Variants in ARHGAP39 observed in about 807,000 individuals in gnomAD.
ARHGAP39 encodes Rho GTPase activating protein 39, also known as rho GTPase-activating protein 39.
Under a neutral mutation model 106.9 loss-of-function variants are expected in ARHGAP39, and 44 were observed. The ratio of observed to expected loss-of-function variants is 0.41; its 90% confidence interval spans 0.32 to 0.53. The LOEUF is 0.53. ARHGAP39 is among the 20% of genes least tolerant of loss of function. The probability of loss-of-function intolerance (pLI) is 0.21; values close to 1 mark genes in which losing one functional copy is unlikely to be tolerated. For missense variants in ARHGAP39, 1,496 were observed against 1,577.3 expected (o/e 0.95, Z 0.87); for synonymous variants, 768 against 693.2 (o/e 1.11, Z -1.69).
At chr8:144,587,897 C>G (rs867011136) in intron 2 of ARHGAP39, among the ~76,000 whole-genome samples, 1 of 152,190 alleles carries the variant, frequency 6.6e-6, no homozygotes, top group Non-Finnish European at 1.5e-5. Flanking sequence ...CCCGCTTTGG[C>G]CTCCCAAAGT....
rs907398362 is a variant in ARHGAP39 at position 144,646,778 on chromosome 8, G to A, written c.-82+38908C>T. Among the ~76,000 whole-genome samples the A allele has an allele frequency of 1.3e-4, 20 of 152,160 alleles. No individual in the cohort carries two copies. Among genetic ancestry groups the A allele is most frequent in the African/African-American group, 2.9e-4 (12 of 41,446 alleles). ...CCCTCGCTGGGCCCAGAGTCCAAGC[G>A]GGCCATGGCCCTGGCACTGCACGTG... On this transcript the variant is annotated intron_variant, in intron 1 of 11. Transcript: ENST00000377307. The surrounding 1 kb of genome is among the most constrained non-coding windows in gnomAD (Gnocchi z 5.7).
chr8:144,630,266 G>A (rs1482428047), intron 1 of ARHGAP39, among the ~76,000 whole-genome samples: 2 of 152,188 alleles, frequency 1.3e-5, no homozygotes, highest in East Asian at 3.9e-4. Flanking sequence ...GCCCTTTCCT[G>A]AAAAATGTTA....
intron 3 of ARHGAP39, among the ~76,000 whole-genome samples, chr8:144,576,193 TGTG>T (rs1176243450): frequency 1.3e-5 from 2 of 150,482 alleles, no homozygotes; most frequent in African/African-American, 4.9e-5. Context: ...ATTAGCCAGG[TGTG>T]GTGGTGGGCG....
At chr8:144,592,715 A>C (rs902130984) in intron 2 of ARHGAP39, among the ~76,000 whole-genome samples, 8 of 152,144 alleles carry the variant, frequency 5.3e-5, no homozygotes. Flanking sequence ...CTGAGGGCAG[A>C]CCACAGCATG....
chr8:144,556,159 C>A (rs1014643056), intron 3 of ARHGAP39, among the ~76,000 whole-genome samples: 5 of 151,972 alleles, frequency 3.3e-5, no homozygotes, highest in African/African-American at 1.2e-4. Context: ...GTGGCGGGCG[C>A]CTGTAGTCCC....
chr8:144,687,933 C>A (rs1280508665), upstream of ARHGAP39, among the ~76,000 whole-genome samples: 2 of 141,668 alleles, frequency 1.4e-5, no homozygotes, highest in Non-Finnish European at 3.2e-5. Context: ...GAGCACTTCC[C>A]ACCCCGTGAC....
chr8:144,665,366 GGA>G (rs1821937113), intron 1 of ARHGAP39, among the ~76,000 whole-genome samples: 1 of 152,248 alleles, frequency 6.6e-6, no homozygotes, highest in Non-Finnish European at 1.5e-5. Context: ...CATTTTCTGA[GGA>G]GAAATTCAAG....
chr8:144,535,993 T>G (rs2130821796), intron 7 of ARHGAP39, among the ~76,000 whole-genome samples: 1 of 152,282 alleles, frequency 6.6e-6, no homozygotes, highest in East Asian at 1.9e-4. Flanking sequence ...CCCTAAGGTC[T>G]AGGAAGGTGG....
intron 1 of ARHGAP39, among the ~76,000 whole-genome samples, chr8:144,635,747 G>A (rs1490670832): frequency 2.0e-5 from 3 of 151,750 alleles, no homozygotes; most frequent in Non-Finnish European, 2.9e-5. Context: ...TGAGGCTACC[G>A]CCAGGTAGAC....
Position 144,593,452 on chromosome 8 carries a change from T to C in ARHGAP39, c.80+12083A>G, listed in dbSNP as rs113402765. ...ATCCAAAGTAGACGAAAGGTCTCAATGTAAGAGCTAAACTGACAAAACTCT... is the reference window on the plus strand; with the variant it reads ...ATCCAAAGTAGACGAAAGGTCTCAACGTAAGAGCTAAACTGACAAAACTCT... On this transcript the variant is annotated intron_variant, in intron 2 of 11. Coordinates refer to ENST00000377307, the MANE Select transcript of ARHGAP39 (RefSeq NM_025251.3). 2.1e-3 allele frequency among the ~76,000 whole-genome samples: 318 copies of C among 152,260 alleles called. 4 individuals are homozygous for C. The highest frequency in any genetic ancestry group is 3.4e-3 in the Non-Finnish European group (230 of 68,028).
chr8:144,608,128 G>C (rs995841348), intron 1 of ARHGAP39, among the ~76,000 whole-genome samples: 4 of 132,892 alleles, frequency 3.0e-5, no homozygotes, highest in African/African-American at 1.2e-4. Context: ...CTGTACTCCA[G>C]CCTGGGCGAC....
intron 2 of ARHGAP39, among the ~76,000 whole-genome samples, chr8:144,590,114 G>C (rs1819335365): frequency 6.6e-6 from 1 of 152,250 alleles, no homozygotes; most frequent in Non-Finnish European, 1.5e-5. Flanking sequence ...CATGGCACGT[G>C]GGACAGAGGC....
intron 2 of ARHGAP39, 122 bp from the exon 3 acceptor site, chr8:144,581,399 C>G (rs1413004049): frequency 1.7e-6 from 2 of 1,144,746 alleles, no homozygotes; most frequent in Non-Finnish European, 2.4e-6. Context: ...TAGAGGAAAG[C>G]AAACCCAAGC....
intron 2 of ARHGAP39, among the ~76,000 whole-genome samples, chr8:144,601,212 A>C (rs1206180891): frequency 1.0e-5 from 1 of 99,246 alleles, no homozygotes; most frequent in Non-Finnish European, 2.0e-5. Flanking sequence ...ATGTGCGTGG[A>C]GGTGCGTGTG....
chr8:144,626,974 G>A lies in ARHGAP39; in HGVS notation c.-81-21279C>T, dbSNP rs149150529. Among the ~76,000 whole-genome samples the A allele has an allele frequency of 3.6e-3, 550 of 152,332 alleles. 5 individuals are homozygous for A. The highest frequency in any genetic ancestry group is 0.012 in the African/African-American group (507 of 41,574). On this transcript the variant is annotated intron_variant, in intron 1 of 11. Transcript: ENST00000377307. ...ATAAGGTTCGTGGCTTGCAGCTGTC[G>A]GGGCCATGTTTGTCCCCCCTGGGGA...
the ARHGAP39 span, among the ~76,000 whole-genome samples, chr8:144,697,785 C>G: frequency 6.6e-6 from 1 of 152,264 alleles, no homozygotes; most frequent in Admixed American, 6.5e-5. Context: ...GGCCACTGCA[C>G]CCGGCCTGTT....
chr8:144,533,018 C>T (rs532170705), intron 9 of ARHGAP39, 108 bp downstream of exon 9: 13 of 1,345,960 alleles, frequency 9.7e-6, no homozygotes, highest in Middle Eastern at 2.2e-4. Flanking sequence ...GGTATGGGTG[C>T]GGAAGCAGCC....
intron 1 of ARHGAP39, among the ~76,000 whole-genome samples, chr8:144,677,680 T>C (rs756712848): frequency 2.6e-5 from 4 of 151,504 alleles, no homozygotes; most frequent in Non-Finnish European, 5.9e-5. Context: ...AAGAAAAGGG[T>C]AAGGAAAAAA....
At chr8:144,608,499 A>G (rs945727258) in intron 1 of ARHGAP39, among the ~76,000 whole-genome samples, 2 of 152,198 alleles carry the variant, frequency 1.3e-5, no homozygotes, top group African/African-American at 4.8e-5. Flanking sequence ...CGCCACAGTG[A>G]GTCCAAATGC....
Sources: gnomAD v4.1 joint callset for allele counts (sites outside exome capture counted in the v4.1 genomes callset) on GRCh38, gnomAD v4.1.1 for gene constraint, Gnocchi (gnomAD v3.1) non-coding constraint, MANE v1.5 for transcripts, NCBI Gene and HGNC (gene_info 2026-07-23, HGNC 2026-07-21) for gene names.